The following NEB variants were observed in gnomAD, a reference collection of about 807,000 sequenced individuals.
The protein encoded by NEB is nebulin.
A neutral mutation model predicts 952.2 loss-of-function variants in NEB; 512 were observed. The observed-to-expected ratio is 0.54, with a 90% CI of 0.50 to 0.58. NEB has a LOEUF of 0.58. Ranked by LOEUF, NEB falls within the 20% of genes least tolerant of loss-of-function variation. The pLI, the probability that NEB is intolerant of heterozygous loss-of-function variation, is 0.00. For missense variants in NEB, 8,428 were observed against 9,231.1 expected (o/e 0.91, Z 3.56); for synonymous variants, 2,900 against 3,149.8 (o/e 0.92, Z 2.66).
chr2:151,519,076 G>A lies in NEB; in HGVS notation c.22591-7C>T. 1.3e-6 allele frequency: 2 copies of A among 1,566,286 alleles called. No homozygotes were observed. The highest frequency in any genetic ancestry group is 1.8e-6 in the Non-Finnish European group (2 of 1,136,660). On this transcript the variant is annotated splice_polypyrimidine_tract_variant and splice_region_variant and intron_variant, in intron 154 of 181. Coordinates refer to ENST00000397345, the MANE Select transcript of NEB (RefSeq NM_001164508.2). Reference sequence around the variant, plus strand: ...GGTCAGCCTTGTATTTAACCTGTGTGTTATGGGGGAAGAAAGGAAATCACG... The same window carrying A: ...GGTCAGCCTTGTATTTAACCTGTGTATTATGGGGGAAGAAAGGAAATCACG...
chr2:151,545,956 T>C lies in NEB; in HGVS notation c.20509A>G (p.Lys6837Glu), dbSNP rs2094610875. ...YTDKARKMRDKYKVVLDTPEY... is the reference protein window; with the variant it reads ...YTDKARKMRDEYKVVLDTPEY... ...GGAGTGTCAAGCACCACTTTGTATT[T>C]GTCTCGCATCTTCCTTGCCTTATCA... Residue 6837 changes from lysine (K) to glutamate (E), a missense_variant, in exon 135 of 182, where the codon AAA becomes GAA. This residue lies in a region of NEB where 3,374 missense variants were observed against 3,651.5 expected (regional missense o/e 0.92). Coordinates refer to ENST00000397345, the MANE Select transcript of NEB (RefSeq NM_001164508.2). 1 of 1,610,176 alleles carries C rather than the reference T, an allele frequency of 6.2e-7. No homozygotes were observed.
rs2093530119 is a variant in NEB at position 151,538,342 on chromosome 2, C to T, written c.20893-98G>A. On this transcript the variant is annotated intron_variant, in intron 138 of 181. Coordinates refer to ENST00000397345, the MANE Select transcript of NEB (RefSeq NM_001164508.2). ...CTCTCTTGTCTTCTCTCTGGTTTTC[C>T]CATGAATACATTTAGGAAAAATTTA... is the stretch of plus-strand genomic sequence containing the variant. 3 of 899,894 alleles carry T rather than the reference C, an allele frequency of 3.3e-6. No individual in the cohort carries two copies. In the African/African-American group the frequency reaches 5.0e-5, roughly 15 times the overall value. The allele number at this position is 899,894 out of a possible 1,614,324, so 55.7% of individuals were successfully genotyped here. A position where few individuals can be genotyped will look rare whatever the true frequency, so the allele number is the denominator to read the frequency against.
intron 47 of NEB, 94 bp from the exon 48 acceptor site, chr2:151,658,184 T>C: frequency 1.1e-6 from 1 of 916,964 alleles, no homozygotes; most frequent in Non-Finnish European, 1.6e-6. Context: ...GTCTTTTTTT[T>C]TGTTTTTGAG....
At chr2:151,505,362 A>C (rs1436022805) in intron 165 of NEB, 116 bp downstream of exon 165, 1 of 915,228 alleles carries the variant, frequency 1.1e-6, no homozygotes, top group East Asian at 2.4e-5. Flanking sequence ...GGGAGAATTC[A>C]CAACATCCCC....
chr2:151,617,225 C>T lies in NEB; in HGVS notation c.11181+139G>A, dbSNP rs957340067. 2.3e-5 allele frequency: 12 copies of T among 526,766 alleles called. No individual in the cohort carries two copies. In the Admixed American group the frequency reaches 3.8e-4, roughly 17 times the overall value. The allele number at this position is 526,766 out of a possible 1,614,324, so 32.6% of individuals were successfully genotyped here. On this transcript the variant is annotated intron_variant, in intron 75 of 181. Coordinates refer to ENST00000397345, the MANE Select transcript of NEB (RefSeq NM_001164508.2). ...CCCACCACAAAGCTCAAAATTGAATCAAGTGAGAACTATCTCTTCTACTGA... is the reference window on the plus strand; with the variant it reads ...CCCACCACAAAGCTCAAAATTGAATTAAGTGAGAACTATCTCTTCTACTGA...
chr2:151,511,542 G>A (rs1018149528), intron 161 of NEB, among the ~76,000 whole-genome samples: 1 of 152,132 alleles, frequency 6.6e-6, no homozygotes, highest in African/African-American at 2.4e-5. Context: ...TTGGACCAGC[G>A]AATCTACATC....
Position 151,614,337 on chromosome 2 carries a change from G to T in NEB, c.11540C>A (p.Thr3847Asn), listed in dbSNP as rs766876980. 19 of 1,613,810 alleles carry T rather than the reference G, an allele frequency of 1.2e-5. No homozygotes were observed. In the African/African-American group the frequency reaches 2.4e-4, roughly 20 times the overall value. ...GACGTCATTCTGATCAGGCAGGCAG[G>T]TCCATTCATGCAGGGGATGCTTGTA... ...IDYKHPLHEW[T>N]CLPDQNDVIQ... The change falls in exon 77 of 182, where the codon ACC becomes AAC. Residue 3847 changes from threonine (T) to asparagine (N), a missense_variant. Physicochemically the swap from Thr to Asn is moderately conservative, Grantham distance 65. Around this residue, in one of 11 missense-constraint regions of NEB, gnomAD observed 1,772 missense variants for 1,960.3 expected, o/e 0.90. Transcript: ENST00000397345.
chr2:151,533,296 C>A (rs757651031), intron 143 of NEB, 146 bp downstream of exon 143: 21 of 599,174 alleles, frequency 3.5e-5, no homozygotes, highest in Non-Finnish European at 5.6e-5. Flanking sequence ...ATTCAGAGAT[C>A]ATTTACAAGG....
chr2:151,709,916 A>G (rs1305900419), intron 11 of NEB, among the ~76,000 whole-genome samples, 153 bp from the exon 12 acceptor site: 4 of 152,232 alleles, frequency 2.6e-5, no homozygotes, highest in African/African-American at 9.6e-5. Flanking sequence ...TGGTACCATT[A>G]CAAAAATGAT....
Position 151,670,711 on chromosome 2 carries a change from T to C in NEB, c.4506+312A>G, listed in dbSNP as rs945280278. 2.6e-5 allele frequency among the ~76,000 whole-genome samples: 4 copies of C among 152,232 alleles called. No homozygotes were observed. In the South Asian group the frequency reaches 6.2e-4, roughly 24 times the overall value. On this transcript the variant is annotated intron_variant, in intron 38 of 181. Transcript: ENST00000397345. ...AATAAATAGCTTGTTTTGCAATTCA[T>C]ACAGAGCCACAGATAATGATAGTAA...
At chr2:151,497,855 A>AGT in intron 170 of NEB, 137 bp from the exon 171 acceptor site, 3 of 1,513,602 alleles carry the variant, frequency 2.0e-6, no homozygotes, top group Non-Finnish European at 2.6e-6. Flanking sequence ...CGACTACTTT[A>AGT]GTGGAAGCTG....
rs2093502575 is a variant in NEB at position 151,538,247 on chromosome 2, A to G, written c.20893-3T>C. On this transcript the variant is annotated splice_polypyrimidine_tract_variant and splice_region_variant and intron_variant, in intron 138 of 181. Transcript: ENST00000397345. ...TGAAATGTTTCTTTGTAGCGTAGCT[A>G]GAAAGAGAAAAAACACATGAATTAC... 6.3e-7 allele frequency: 1 copy of G among 1,599,918 alleles called. No homozygotes were observed. The highest frequency in any genetic ancestry group is 2.2e-5 in the East Asian group (1 of 44,804).
intron 135 of NEB, among the ~76,000 whole-genome samples, chr2:151,542,464 T>G (rs1022106507): frequency 1.3e-5 from 2 of 152,194 alleles, no homozygotes; most frequent in Non-Finnish European, 2.9e-5. Context: ...TTCTTTATAT[T>G]GCCTCTATCT....
chr2:151,656,420 A>T lies in NEB; in HGVS notation c.6228T>A (p.Val2076=). Reference sequence around the variant, plus strand: ...GATCATCCTCGAGACTGCGGAAACCAACCATTTTCCCCTTCCCTTTTTCAT... The same window carrying T: ...GATCATCCTCGAGACTGCGGAAACCTACCATTTTCCCCTTCCCTTTTTCAT... ...YNYEKGKGKM[V]GFRSLEDDPK... The change falls in exon 49 of 182, where the codon GTT becomes GTA. Residue 2076 remains valine (V), a synonymous_variant. Transcript: ENST00000397345. The T allele has an allele frequency of 1.2e-6, 2 of 1,613,194 alleles. No homozygotes were observed. Among genetic ancestry groups the T allele is most frequent in the Non-Finnish European group, 1.7e-6 (2 of 1,179,396 alleles).
At chr2:151,619,174 G>C (rs1251758375) in intron 73 of NEB, among the ~76,000 whole-genome samples, 1 of 152,082 alleles carries the variant, frequency 6.6e-6, no homozygotes, top group African/African-American at 2.4e-5. Context: ...ATTTTTAAGG[G>C]CTAAGTTTCA....
At chr2:151,504,768 C>T (rs1380735729) in intron 165 of NEB, among the ~76,000 whole-genome samples, 1 of 152,136 alleles carries the variant, frequency 6.6e-6, no homozygotes, top group Non-Finnish European at 1.5e-5. Flanking sequence ...CCAGGGCTTG[C>T]TTGACAAAAG....
chr2:151,666,036 G>A, intron 41 of NEB, 54 bp downstream of exon 41: 1 of 1,534,720 alleles, frequency 6.5e-7, no homozygotes, highest in South Asian at 1.2e-5. Flanking sequence ...AGTGGCTCCT[G>A]TTTTTTCCTC....
Position 151,531,793 on chromosome 2 carries a change from T to C in NEB, c.21521A>G (p.Asp7174Gly), listed in dbSNP as rs1046170435. Residue 7174 changes from aspartate (D) to glycine (G), a missense_variant and splice_region_variant, in exon 144 of 182, where the codon GAT (aspartate) becomes GGT (glycine). Around this residue, in one of 11 missense-constraint regions of NEB, gnomAD observed 3,374 missense variants for 3,651.5 expected, o/e 0.92. Coordinates refer to ENST00000397345, the MANE Select transcript of NEB (RefSeq NM_001164508.2). The stretch of plus-strand genomic sequence containing the variant: ...GTATTCAGTGTTTCTTGCACTTACA[T>C]CGCTGATTTGTTTGTTGACTTTTGT... ...RTTKVNKQIS[D>G]ILYKLEYNKA... 6.2e-7 allele frequency: 1 copy of C among 1,606,208 alleles called. No individual in the cohort carries two copies. Among genetic ancestry groups the C allele is most frequent in the Non-Finnish European group, 8.5e-7 (1 of 1,174,000 alleles).
intron 65 of NEB, among the ~76,000 whole-genome samples, chr2:151,632,308 G>C (rs2098684041): frequency 7.0e-6 from 1 of 141,950 alleles, no homozygotes; most frequent in Non-Finnish European, 1.6e-5. Context: ...GTATTTTGTA[G>C]TCTAGACAAA....
Sources: gnomAD v4.1 joint callset for allele counts (sites outside exome capture counted in the v4.1 genomes callset) on GRCh38, gnomAD v4.1.1 for gene constraint, gnomAD v4.1.1 regional missense constraint, MANE v1.5 for transcripts, NCBI Gene and HGNC (gene_info 2026-07-23, HGNC 2026-07-21) for gene names.